The following COL14A1 variants were observed in gnomAD, a reference collection of about 807,000 sequenced individuals.
COL14A1 encodes the protein collagen alpha-1(XIV) chain.
Under a neutral mutation model 230.3 loss-of-function variants are expected in COL14A1, and 136 were observed. That is an observed-to-expected ratio of 0.59 (90% CI 0.51 to 0.68). The LOEUF (loss-of-function observed/expected upper bound fraction) is 0.68. Among genes scored for constraint, COL14A1 ranks in the 30% least tolerant of loss-of-function variants. The pLI is 0.00. For missense variants in COL14A1, 1,976 were observed against 2,215.8 expected (o/e 0.89, Z 2.17); for synonymous variants, 792 against 784.1 (o/e 1.01, Z -0.17).
intron 18 of COL14A1, among the ~76,000 whole-genome samples, chr8:120,230,684 TG>T (rs1354559898): frequency 3.9e-5 from 6 of 152,192 alleles, no homozygotes; most frequent in African/African-American, 1.4e-4. Context: ...TTACTATTTT[TG>T]TTGAGTTAAT....
At chr8:120,218,645 A>G (rs749919792) in intron 14 of COL14A1, among the ~76,000 whole-genome samples, 12 of 152,172 alleles carry the variant, frequency 7.9e-5, no homozygotes, top group Non-Finnish European at 1.5e-4. Context: ...CATTTTGAGG[A>G]CATGAATGCA....
chr8:120,362,277 G>A (rs1219026721), intron 45 of COL14A1, among the ~76,000 whole-genome samples: 7 of 152,164 alleles, frequency 4.6e-5, no homozygotes, highest in Admixed American at 3.3e-4. Flanking sequence ...TAATAGCAGT[G>A]CCTGCCCTCT....
At chr8:120,244,108 G>T in intron 20 of COL14A1, 100 bp downstream of exon 20, 1 of 1,360,602 alleles carries the variant, frequency 7.3e-7, no homozygotes, top group Admixed American at 2.4e-5. Context: ...TTGCAGTGAA[G>T]AAACTAAAAG....
At position 120,203,887 on chromosome 8, in the gene COL14A1, A is replaced by G; in HGVS notation, c.1039+17A>G. On this transcript the variant is annotated intron_variant, in intron 9 of 47. Transcript: ENST00000297848. The stretch of plus-strand genomic sequence containing the variant: ...AAATTAAAGGTAAAATGAGTGACAG[A>G]GCAGTCCTGTGGATGTCAGTATTAT... 6.2e-7 allele frequency: 1 copy of G among 1,611,564 alleles called. No homozygotes were observed. Among genetic ancestry groups the G allele is most frequent in the Non-Finnish European group, 8.5e-7 (1 of 1,178,248 alleles).
At chr8:120,175,530 G>T (rs1035248286) in intron 5 of COL14A1, among the ~76,000 whole-genome samples, 4 of 152,152 alleles carry the variant, frequency 2.6e-5, no homozygotes, top group African/African-American at 9.7e-5. Context: ...GGAAAAATGA[G>T]ATGAGCTTAA....
chr8:120,266,822 T>C lies in COL14A1; in HGVS notation c.3017-5T>C. On this transcript the variant is annotated splice_polypyrimidine_tract_variant and splice_region_variant and intron_variant, in intron 24 of 47. Coordinates refer to ENST00000297848, the MANE Select transcript of COL14A1 (RefSeq NM_021110.4). ...ACTGATGTCCTTTCTCCCTTTCCTTTACAGAATCACTTCCTACACGACCAC... is the reference window on the plus strand; with the variant it reads ...ACTGATGTCCTTTCTCCCTTTCCTTCACAGAATCACTTCCTACACGACCAC... 1 of 1,611,036 alleles carries C rather than the reference T, an allele frequency of 6.2e-7. No homozygotes were observed. The highest frequency in any genetic ancestry group is 8.5e-7 in the Non-Finnish European group (1 of 1,177,750).
At chr8:120,170,009 A>G (rs1159644467) in intron 5 of COL14A1, among the ~76,000 whole-genome samples, 1 of 151,984 alleles carries the variant, frequency 6.6e-6, no homozygotes, top group East Asian at 1.9e-4. Flanking sequence ...ATTTTACTTC[A>G]TATATATTTG....
intron 5 of COL14A1, among the ~76,000 whole-genome samples, chr8:120,186,709 C>T (rs1292094227): frequency 6.6e-6 from 1 of 152,156 alleles, no homozygotes; most frequent in East Asian, 1.9e-4. Context: ...TTTAATTGAG[C>T]CATCATGGCT....
At position 120,294,494 on chromosome 8, in the gene COL14A1, G is replaced by A. The variant is rs75052822; in HGVS notation, c.4237-3017G>A. Reference sequence around the variant, plus strand: ...ATAATTTTCAGTGAGTTACAAAAACGTTACAAAAGTAAAAAAGGGCTGCTT... The same window carrying A: ...ATAATTTTCAGTGAGTTACAAAAACATTACAAAAGTAAAAAAGGGCTGCTT... On this transcript the variant is annotated intron_variant, in intron 34 of 47. Transcript: ENST00000297848. Among the ~76,000 whole-genome samples, 41 of 147,596 alleles carry A rather than the reference G, an allele frequency of 2.8e-4. No homozygotes were observed. In the East Asian group the frequency reaches 6.7e-3, roughly 24 times the overall value.
At position 120,227,368 on chromosome 8, in the gene COL14A1, G is replaced by C. The variant is rs775586506; in HGVS notation, c.2137+16G>C. On this transcript the variant is annotated intron_variant, in intron 17 of 47. Coordinates refer to ENST00000297848, the MANE Select transcript of COL14A1 (RefSeq NM_021110.4). ...GGGACCACACGTAAGTCTTGGTCTG[G>C]CCACAGTGCGTTTTAGCTGCTCCCA... 2.7e-5 allele frequency: 43 copies of C among 1,612,764 alleles called. No individual in the cohort carries two copies. Among genetic ancestry groups the C allele is most frequent in the African/African-American group, 2.4e-4 (18 of 74,986 alleles).
chr8:120,201,193 G>C (rs191517659), intron 8 of COL14A1, among the ~76,000 whole-genome samples: 132 of 152,172 alleles, frequency 8.7e-4, no homozygotes, highest in Non-Finnish European at 1.5e-3. Flanking sequence ...ATTTACAGAA[G>C]AAAGAACAAA....
intron 45 of COL14A1, among the ~76,000 whole-genome samples, chr8:120,363,801 C>T (rs867497890): frequency 9.2e-5 from 14 of 152,238 alleles, no homozygotes; most frequent in African/African-American, 3.1e-4. Flanking sequence ...ACCAAAGGAT[C>T]GCAGTTACTA....
At chr8:120,349,960 G>GA (rs1402573008) in intron 45 of COL14A1, among the ~76,000 whole-genome samples, 1 of 141,172 alleles carries the variant, frequency 7.1e-6, no homozygotes, top group Admixed American at 7.0e-5. Flanking sequence ...TGAAATGAAG[G>GA]AAAAAATGTT....
intron 40 of COL14A1, among the ~76,000 whole-genome samples, chr8:120,331,595 C>T (rs917812291): frequency 2.0e-5 from 3 of 152,186 alleles, no homozygotes; most frequent in Admixed American, 6.5e-5. Context: ...GGAGCAAACA[C>T]GTGCTCATTT....
intron 42 of COL14A1, among the ~76,000 whole-genome samples, chr8:120,334,616 A>ACACACACC (rs1311612217): frequency 1.7e-4 from 26 of 150,402 alleles, no homozygotes; most frequent in African/African-American, 6.4e-4. Flanking sequence ...ACACACACAC[A>ACACACACC]CACCTGTCTT....
chr8:120,183,672 G>T (rs1816546970), intron 5 of COL14A1, among the ~76,000 whole-genome samples: 1 of 152,196 alleles, frequency 6.6e-6, no homozygotes, highest in Non-Finnish European at 1.5e-5. Context: ...TAAGCTGAAG[G>T]TCTCTGAGCG....
At chr8:120,209,657 C>T in intron 11 of COL14A1, 99 bp from the exon 12 acceptor site, 2 of 1,218,906 alleles carry the variant, frequency 1.6e-6, no homozygotes, top group Admixed American at 4.8e-5. Flanking sequence ...CCCTTTCTCC[C>T]TTCCCCTCAA....
chr8:120,283,868 G>A lies in COL14A1; in HGVS notation c.3967+90G>A, dbSNP rs552702823. The A allele has an allele frequency of 2.3e-5, 23 of 1,010,590 alleles. No individual in the cohort carries two copies. The South Asian group carries it at 3.6e-4, about 16-fold the overall frequency. The allele number at this position is 1,010,590 out of a possible 1,614,324, so 62.6% of individuals were successfully genotyped here. A position where few individuals can be genotyped will look rare whatever the true frequency, so the allele number is the denominator to read the frequency against. Reference sequence around the variant, plus strand: ...TTTGCCTGTTTGTGTATATTACAGAGTAACTCACTAATCTTATGTGATGTG... The same window carrying A: ...TTTGCCTGTTTGTGTATATTACAGAATAACTCACTAATCTTATGTGATGTG... On this transcript the variant is annotated intron_variant, in intron 32 of 47. Coordinates refer to ENST00000297848, the MANE Select transcript of COL14A1 (RefSeq NM_021110.4).
At chr8:120,360,901 T>A (rs1325192490) in intron 45 of COL14A1, among the ~76,000 whole-genome samples, 1 of 152,092 alleles carries the variant, frequency 6.6e-6, no homozygotes, top group East Asian at 1.9e-4. Flanking sequence ...TGGAAAGCAT[T>A]GAGGAAGATT....
Sources: allele counts gnomAD v4.1 joint callset (sites outside exome capture counted in the v4.1 genomes callset), GRCh38; gene constraint gnomAD v4.1.1; transcripts MANE v1.5; gene names NCBI Gene and HGNC (gene_info 2026-07-23, HGNC 2026-07-21).